Variants in RIMS1 observed in about 807,000 individuals in gnomAD.
RIMS1 encodes regulating synaptic membrane exocytosis 1.
RIMS1 carries 83 observed loss-of-function variants against 214.1 expected under a neutral mutation model. That is an observed-to-expected ratio of 0.39 (90% CI 0.32 to 0.47). The LOEUF is 0.47. RIMS1 is among the 20% of genes least tolerant of loss of function. The pLI is 0.99. For missense variants in RIMS1, 2,050 were observed against 2,161.8 expected, an observed-to-expected ratio of 0.95 and a Z score of 1.03; for synonymous variants, 793 against 786.8, an observed-to-expected ratio of 1.01 and a Z score of -0.13.
intron 6 of RIMS1, among the ~76,000 whole-genome samples, chr6:72,205,762 A>G (rs974267806): frequency 1.2e-4 from 18 of 152,172 alleles, no homozygotes; most frequent in Non-Finnish European, 2.6e-4. Flanking sequence ...ATGGACAAGT[A>G]TTTTTTATGA....
At chr6:72,207,359 T>A (rs1021416447) in intron 6 of RIMS1, among the ~76,000 whole-genome samples, 5 of 152,234 alleles carry the variant, frequency 3.3e-5, no homozygotes, top group Non-Finnish European at 5.9e-5. Flanking sequence ...AGCTTGTACA[T>A]CATGTAAATG....
intron 27 of RIMS1, among the ~76,000 whole-genome samples, chr6:72,312,803 A>G (rs2095578367): frequency 6.6e-6 from 1 of 152,160 alleles, no homozygotes; most frequent in Non-Finnish European, 1.5e-5. Context: ...AGACACTATA[A>G]TGTCTTAGAA....
At chr6:72,360,509 G>A (rs1443982197) in intron 29 of RIMS1, among the ~76,000 whole-genome samples, 1 of 151,900 alleles carries the variant, frequency 6.6e-6, no homozygotes, top group Admixed American at 6.6e-5. Context: ...ATTCCTCCCA[G>A]GAAACTGAGC....
rs775491268 is a variant in RIMS1, at chr6:72,179,826, G to A, written c.723G>A (p.Arg241=). The A allele has an allele frequency of 4.2e-5, 67 of 1,613,000 alleles. No homozygotes were observed. The highest frequency in any genetic ancestry group is 5.1e-5 in the Non-Finnish European group (60 of 1,179,396). Residue 241 remains arginine (R), a synonymous_variant, in exon 5 of 34, where the codon AGG becomes AGA. Transcript: ENST00000521978. The stretch of plus-strand genomic sequence containing the variant: ...CTCCTCCCAGCGCACCACCAGACAG[G>A]AGCAAAGGGGCTGAGCCCTCGCAGC... ...DAAPPSAPPD[R]SKGAEPSQQA... is the part of the protein sequence containing the mutation.
chr6:72,055,448 T>C (rs547885612), intron 2 of RIMS1, among the ~76,000 whole-genome samples: 1 of 152,326 alleles, frequency 6.6e-6, no homozygotes, highest in Non-Finnish European at 1.5e-5. Context: ...TCAAAAATAC[T>C]GTAAACAGAT....
intron 2 of RIMS1, among the ~76,000 whole-genome samples, chr6:72,095,306 G>A (rs150054445): frequency 2.0e-5 from 3 of 151,944 alleles, no homozygotes; most frequent in Non-Finnish European, 2.9e-5. Context: ...TAAGATTGCC[G>A]GTGCCATTTT....
intron 29 of RIMS1, among the ~76,000 whole-genome samples, chr6:72,375,390 A>C (rs1223772527): frequency 1.3e-5 from 2 of 152,194 alleles, no homozygotes; most frequent in Non-Finnish European, 2.9e-5. Flanking sequence ...AAAAGCATAA[A>C]TTACCTTTCT....
chr6:72,365,085 G>T (rs1280286288), intron 29 of RIMS1, among the ~76,000 whole-genome samples: 1 of 152,250 alleles, frequency 6.6e-6, no homozygotes, highest in South Asian at 2.1e-4. Context: ...TGTGTGGTTT[G>T]GTCTTTGCAC....
intron 1 of RIMS1, among the ~76,000 whole-genome samples, chr6:71,950,060 A>G (rs1788983242): frequency 6.6e-6 from 1 of 152,208 alleles, no homozygotes; most frequent in Admixed American, 6.5e-5. Context: ...ATACATGCAA[A>G]TGCAAATAAA....
chr6:72,045,007 T>A (rs186370262), intron 2 of RIMS1, among the ~76,000 whole-genome samples: 1 of 151,944 alleles, frequency 6.6e-6, no homozygotes, highest in Admixed American at 6.6e-5. Flanking sequence ...ATACTACTAC[T>A]AGTAAGCAAT....
At chr6:72,035,261 A>T (rs1244667696) in intron 2 of RIMS1, among the ~76,000 whole-genome samples, 1 of 152,142 alleles carries the variant, frequency 6.6e-6, no homozygotes. Flanking sequence ...GTTATTCTTC[A>T]TGGTGTTGTT....
chr6:72,044,129 T>C (rs1299232909), intron 2 of RIMS1, among the ~76,000 whole-genome samples: 3 of 151,844 alleles, frequency 2.0e-5, no homozygotes, highest in Non-Finnish European at 3.0e-5. Flanking sequence ...TTTTCAAATA[T>C]GCTAAAGTAA....
chr6:72,383,996 A>T (rs952687052), intron 29 of RIMS1, among the ~76,000 whole-genome samples: 4 of 152,126 alleles, frequency 2.6e-5, no homozygotes, highest in Admixed American at 2.6e-4. Context: ...TAATCAGGTG[A>T]TACTCTTTTA....
intron 29 of RIMS1, among the ~76,000 whole-genome samples, chr6:72,334,828 A>G (rs2096784785): frequency 6.6e-6 from 1 of 151,908 alleles, no homozygotes; most frequent in South Asian, 2.1e-4. Context: ...AATTTGAGTC[A>G]TGTCTTAAAA....
At chr6:71,949,757 T>C (rs527505051) in intron 1 of RIMS1, among the ~76,000 whole-genome samples, 5 of 152,336 alleles carry the variant, frequency 3.3e-5, no homozygotes, top group African/African-American at 9.6e-5. Flanking sequence ...TCTTTTACAC[T>C]GCTGGCAAAA....
At chr6:72,134,294 A>T (rs1411820953) in intron 4 of RIMS1, among the ~76,000 whole-genome samples, 2 of 151,930 alleles carry the variant, frequency 1.3e-5, no homozygotes, top group African/African-American at 4.8e-5. Context: ...TTTTATTGTG[A>T]TATATATTTA....
intron 2 of RIMS1, among the ~76,000 whole-genome samples, chr6:72,019,644 T>C (rs1041060153): frequency 6.6e-6 from 1 of 152,208 alleles, no homozygotes; most frequent in African/African-American, 2.4e-5. Flanking sequence ...TCTGGAAAAT[T>C]ATTTCACCTT....
At chr6:72,348,399 T>C (rs1327933908) in intron 29 of RIMS1, among the ~76,000 whole-genome samples, 1 of 151,872 alleles carries the variant, frequency 6.6e-6, no homozygotes, top group Non-Finnish European at 1.5e-5. Context: ...CGGACGACTG[T>C]AGAAGTGATT....
chr6:71,958,164 G>A (rs1035816498), intron 1 of RIMS1, among the ~76,000 whole-genome samples: 5 of 152,088 alleles, frequency 3.3e-5, no homozygotes, highest in African/African-American at 4.8e-5. Context: ...TGAATAGAGT[G>A]ACTTGTTTTT....
Sources: gnomAD v4.1 joint callset for allele counts (sites outside exome capture counted in the v4.1 genomes callset) on GRCh38, gnomAD v4.1.1 for gene constraint, MANE v1.5 for transcripts, NCBI Gene and HGNC (gene_info 2026-07-23, HGNC 2026-07-21) for gene names.